STPG2: variants seen among roughly 807,000 people sequenced by gnomAD.
The protein encoded by STPG2 is sperm tail PG-rich repeat containing 2.
A neutral mutation model predicts 54.2 loss-of-function variants in STPG2; 56 were observed. The observed-to-expected ratio is 1.03, with a 90% CI of 0.83 to 1.29. The LOEUF (loss-of-function observed/expected upper bound fraction) is 1.29, where lower values mean the gene tolerates loss of function less well. STPG2 is among the 50% of genes most tolerant of loss of function. STPG2 has a pLI of 0.00. For missense variants in STPG2, 596 were observed against 544.9 expected, an observed-to-expected ratio of 1.09 and a Z score of -0.93; for synonymous variants, 200 against 181.8, an observed-to-expected ratio of 1.10 and a Z score of -0.81.
At chr4:97,735,235 T>C (rs1178888768) in intron 9 of STPG2, among the ~76,000 whole-genome samples, 2 of 151,890 alleles carry the variant, frequency 1.3e-5, no homozygotes, top group Non-Finnish European at 2.9e-5. Flanking sequence ...TATATAGATG[T>C]GTATACAGAT....
chr4:97,454,303 G>A (rs1400165448), intron 4 of STPG2, among the ~76,000 whole-genome samples: 1 of 151,218 alleles, frequency 6.6e-6, no homozygotes, highest in Non-Finnish European at 1.5e-5. Context: ...CATGAGGTCA[G>A]GAGATCGAGA....
chr4:97,699,586 C>T (rs972453568), intron 10 of STPG2, among the ~76,000 whole-genome samples: 4 of 152,206 alleles, frequency 2.6e-5, no homozygotes, highest in African/African-American at 9.7e-5. Flanking sequence ...TCCTTCCATG[C>T]AAAGTGCATA....
intron 4 of STPG2, among the ~76,000 whole-genome samples, chr4:97,443,603 G>C (rs1430597274): frequency 1.3e-5 from 2 of 152,028 alleles, no homozygotes; most frequent in African/African-American, 2.4e-5. Flanking sequence ...AAAAATATGG[G>C]TAATAAGAAT....
In STPG2 at chr4:98,059,094, G is replaced by A. The variant is rs145641102; in HGVS notation, c.612+46859C>T. On this transcript the variant is annotated intron_variant, in intron 5 of 10. Transcript: ENST00000295268. ...AAAAAATTAGTAAGATAGATAGGCC[G>A]CTAGCTAGACTAATAAAGAAAAAAT... Among the ~76,000 whole-genome samples the A allele has an allele frequency of 2.0e-3, 304 of 151,284 alleles. 2 individuals are homozygous for A. Among genetic ancestry groups the A allele is most frequent in the Middle Eastern group, 6.8e-3 (2 of 292 alleles).
At chr4:97,640,119 A>C (rs1417478200) in intron 10 of STPG2, among the ~76,000 whole-genome samples, 1 of 152,062 alleles carries the variant, frequency 6.6e-6, no homozygotes, top group Non-Finnish European at 1.5e-5. Flanking sequence ...ATGTGACACC[A>C]GTAGAAAGGC....
At chr4:97,871,921 C>A (rs1221795181) in intron 8 of STPG2, among the ~76,000 whole-genome samples, 1 of 150,814 alleles carries the variant, frequency 6.6e-6, no homozygotes, top group South Asian at 2.1e-4. Flanking sequence ...GAATTCAATA[C>A]AACATTAAGA....
chr4:97,819,472 A>T (rs902131553), intron 9 of STPG2, among the ~76,000 whole-genome samples: 1 of 152,134 alleles, frequency 6.6e-6, no homozygotes, highest in African/African-American at 2.4e-5. Context: ...TCCTGTGGGA[A>T]TGTGATACGG....
intron 9 of STPG2, among the ~76,000 whole-genome samples, chr4:97,756,601 C>T (rs1725740002): frequency 6.6e-6 from 1 of 152,118 alleles, no homozygotes; most frequent in South Asian, 2.1e-4. Flanking sequence ...GCTGCTATTA[C>T]AGGCGTGAGC....
At chr4:97,950,573 C>A (rs55956043) in intron 7 of STPG2, among the ~76,000 whole-genome samples, 4 of 151,966 alleles carry the variant, frequency 2.6e-5, no homozygotes, top group African/African-American at 9.7e-5. Context: ...CTTTTGAATT[C>A]GTTTTCTGGT....
chr4:98,018,490 G>GTCTTTA (rs1364240923), intron 5 of STPG2, among the ~76,000 whole-genome samples: 1 of 152,192 alleles, frequency 6.6e-6, no homozygotes, highest in East Asian at 1.9e-4. Flanking sequence ...GTGTGCATGT[G>GTCTTTA]TCTTTATAGC....
chr4:97,797,178 T>C (rs1337427496), intron 9 of STPG2, among the ~76,000 whole-genome samples: 3 of 152,194 alleles, frequency 2.0e-5, no homozygotes, highest in Non-Finnish European at 2.9e-5. Flanking sequence ...ATACCCTTTA[T>C]TGATTTCTCC....
chr4:97,810,834 A>C (rs550717508), intron 9 of STPG2, among the ~76,000 whole-genome samples: 35 of 152,318 alleles, frequency 2.3e-4, no homozygotes, highest in Admixed American at 2.3e-3. Flanking sequence ...TAAGCAAGCA[A>C]TTTTATTGCT....
intron 8 of STPG2, among the ~76,000 whole-genome samples, chr4:97,895,317 A>C (rs767166544): frequency 6.6e-6 from 1 of 151,930 alleles, no homozygotes; most frequent in Non-Finnish European, 1.5e-5. Context: ...AGAGTAAGAA[A>C]TTATAAATCA....
chr4:98,056,934 C>G (rs199539736), intron 5 of STPG2, among the ~76,000 whole-genome samples: 2 of 56,928 alleles, frequency 3.5e-5, no homozygotes, highest in African/African-American at 1.6e-4. Context: ...TTCCGGAGGC[C>G]CCCCCAACCA....
chr4:98,074,484 A>C (rs371247067), intron 5 of STPG2, among the ~76,000 whole-genome samples: 1 of 55,890 alleles, frequency 1.8e-5, no homozygotes, highest in African/African-American at 8.1e-5. Context: ...CCCTTTTGGC[A>C]TATGACCATC....
intron 10 of STPG2, among the ~76,000 whole-genome samples, chr4:97,685,766 T>C (rs1037400396): frequency 2.0e-5 from 3 of 152,298 alleles, no homozygotes; most frequent in Admixed American, 1.3e-4. Context: ...TGCAAGAATT[T>C]AATAACAGCA....
At chr4:98,012,264 G>A (rs1435408003) in intron 5 of STPG2, among the ~76,000 whole-genome samples, 1 of 152,128 alleles carries the variant, frequency 6.6e-6, no homozygotes, top group Non-Finnish European at 1.5e-5. Context: ...GGTTGTAGAT[G>A]TGTGGTGTGA....
intron 5 of STPG2, among the ~76,000 whole-genome samples, chr4:98,041,254 A>G (rs1084785): frequency 0.86 from 130,237 of 151,672 alleles, 56,067 homozygotes; most frequent in Middle Eastern, 0.97. Flanking sequence ...GGTTTTCTAC[A>G]CACAATTTCA....
intron 9 of STPG2, among the ~76,000 whole-genome samples, chr4:97,797,391 G>C (rs146874750): frequency 0.18 from 27,032 of 152,090 alleles, 3,048 homozygotes; most frequent in Middle Eastern, 0.27. Flanking sequence ...AGAGTTTTTA[G>C]CATGAAGGGC....
Sources: gnomAD v4.1 joint callset for allele counts (sites outside exome capture counted in the v4.1 genomes callset) on GRCh38, gnomAD v4.1.1 for gene constraint, MANE v1.5 for transcripts, NCBI Gene and HGNC (gene_info 2026-07-23, HGNC 2026-07-21) for gene names.